The following PCDHGA1 variants were observed in gnomAD, a reference collection of about 807,000 sequenced individuals.
PCDHGA1 encodes the protein protocadherin gamma subfamily A, 1, also known as protocadherin gamma-A1.
In PCDHGA1, 32 loss-of-function variants were observed where a neutral mutation model predicts 58.0. That is an observed-to-expected ratio of 0.55 (90% CI 0.42 to 0.74). The LOEUF (loss-of-function observed/expected upper bound fraction) is 0.74, where lower values mean the gene tolerates loss of function less well. PCDHGA1 is among the 30% of genes least tolerant of loss of function. The pLI is 0.00. For missense variants in PCDHGA1, 1,205 were observed against 1,182.3 expected (o/e 1.02, Z -0.28); for synonymous variants, 498 against 501.1 (o/e 0.99, Z 0.08).
intron 1 of PCDHGA1, chr5:141,356,524 G>A: frequency 6.2e-7 from 1 of 1,614,098 alleles, no homozygotes; most frequent in South Asian, 1.1e-5. Flanking sequence ...TTCACTGCAA[G>A]TGATGGACAT....
intron 1 of PCDHGA1, chr5:141,371,611 C>A (rs561217101): frequency 8.1e-6 from 13 of 1,613,878 alleles, no homozygotes; most frequent in Non-Finnish European, 1.1e-5. Flanking sequence ...AGGTTGGTGA[C>A]AGATGGAGCC....
intron 1 of PCDHGA1, 48 bp from the exon 2 acceptor site, chr5:141,494,759 C>CT: frequency 6.2e-7 from 1 of 1,613,886 alleles, no homozygotes; most frequent in Non-Finnish European, 8.5e-7. Flanking sequence ...GGGTGACATT[C>CT]TAACTTCTCA....
intron 1 of PCDHGA1, chr5:141,340,358 G>T: frequency 1.9e-6 from 3 of 1,614,024 alleles, no homozygotes; most frequent in African/African-American, 1.3e-5. Flanking sequence ...CTACATTCCC[G>T]AAAACAACCC....
At chr5:141,378,585 G>A (rs758641960) in intron 1 of PCDHGA1, 1 of 152,188 alleles carries the variant, frequency 6.6e-6, no homozygotes, top group South Asian at 2.1e-4. Flanking sequence ...ATGCTCGGTA[G>A]TGTCTGCTTA....
intron 1 of PCDHGA1, among the ~76,000 whole-genome samples, chr5:141,488,493 C>T (rs1594759823): frequency 6.6e-6 from 1 of 152,226 alleles, no homozygotes; most frequent in East Asian, 1.9e-4. Context: ...AAAACTGTAA[C>T]ACTCATTCCA....
At position 141,487,621 on chromosome 5, in the gene PCDHGA1, A is replaced by G; in HGVS notation, c.2422-7186A>G. The G allele has an allele frequency of 6.2e-7, 1 of 1,614,164 alleles. No individual in the cohort carries two copies. On this transcript the variant is annotated intron_variant, in intron 1 of 3. Transcript: ENST00000517417. This position sits in a 1 kb window ranked among gnomAD's most constrained non-coding sequence, Gnocchi z 5.0. ...ATCTTCTCTATGGGCTAGAGGTGAG[A>G]CCTTTGCAGGCTCAACAAATGCTTG... is the stretch of plus-strand genomic sequence containing the variant.
Position 141,468,837 on chromosome 5 carries a change from G to A in PCDHGA1, c.2422-25970G>A, listed in dbSNP as rs550455857. ...GCCAAGATCAAGCCACTGCACTCCA[G>A]CCTGGGCAACAGAGCGAGACTCCAT... On this transcript the variant is annotated intron_variant, in intron 1 of 3. Transcript: ENST00000517417. 3.3e-5 allele frequency among the ~76,000 whole-genome samples: 5 copies of A among 152,228 alleles called. No homozygotes were observed. The East Asian group carries it at 9.7e-4, about 29-fold the overall frequency.
At position 141,331,350 on chromosome 5, in the gene PCDHGA1, T is replaced by C. The variant is rs1255809790; in HGVS notation, c.666T>C (p.Arg222=). The C allele has an allele frequency of 4.3e-6, 7 of 1,614,170 alleles. No homozygotes were observed. Among genetic ancestry groups the C allele is most frequent in the Middle Eastern group, 1.6e-4 (1 of 6,062 alleles). The change falls in exon 1 of 4, where the codon CGT becomes CGC. Residue 222 remains arginine, a synonymous_variant. Coordinates refer to ENST00000517417, the MANE Select transcript of PCDHGA1 (RefSeq NM_018912.3). ...CTTCTGATGGGGGTGAACCAGTCCG[T>C]TCAGGGACCCTCAGAATTTACATTC... ...LTASDGGEPV[R]SGTLRIYIQV...
intron 1 of PCDHGA1, chr5:141,421,488 G>C: frequency 3.1e-6 from 5 of 1,614,100 alleles, no homozygotes; most frequent in Non-Finnish European, 4.2e-6. Flanking sequence ...GCTTGATCAC[G>C]GCAGGCAGGA....
In PCDHGA1 at chr5:141,431,814, T is replaced by C. The variant is rs1300319049; in HGVS notation, c.2422-62993T>C. 1 of 1,614,246 alleles carries C rather than the reference T, an allele frequency of 6.2e-7. No homozygotes were observed. Among genetic ancestry groups the C allele is most frequent in the Non-Finnish European group, 8.5e-7 (1 of 1,180,044 alleles). ...GCCCCAGAAGTGGTCCTCACCTCTC[T>C]CGCCAGCTCGGTTCCCGAAAACTCT... On this transcript the variant is annotated intron_variant, in intron 1 of 3. Coordinates refer to ENST00000517417, the MANE Select transcript of PCDHGA1 (RefSeq NM_018912.3). The surrounding 1 kb of genome is among the most constrained non-coding windows in gnomAD (Gnocchi z 4.8).
chr5:141,449,804 T>C (rs991937787), intron 1 of PCDHGA1, among the ~76,000 whole-genome samples: 2 of 151,676 alleles, frequency 1.3e-5, no homozygotes, highest in Non-Finnish European at 2.9e-5. Flanking sequence ...AAATACCTCA[T>C]TGTGTATTTC....
chr5:141,335,015 T>G (rs1214172545), intron 1 of PCDHGA1, among the ~76,000 whole-genome samples: 2 of 152,244 alleles, frequency 1.3e-5, no homozygotes, highest in Admixed American at 1.3e-4. Flanking sequence ...AGTGAGAAAC[T>G]TTCTGTCAAC....
At chr5:141,387,479 A>C (rs2090961106) in intron 1 of PCDHGA1, among the ~76,000 whole-genome samples, 1 of 152,258 alleles carries the variant, frequency 6.6e-6, no homozygotes, top group Non-Finnish European at 1.5e-5. Context: ...AGTTGGGATG[A>C]AGGCATTCCT....
chr5:141,413,265 T>C, intron 1 of PCDHGA1: 1 of 1,613,958 alleles, frequency 6.2e-7, no homozygotes, highest in Non-Finnish European at 8.5e-7. Context: ...CATGGGAGGC[T>C]GGAGCCCGGC....
chr5:141,486,843 A>G lies in PCDHGA1; in HGVS notation c.2422-7964A>G, dbSNP rs1455684942. On this transcript the variant is annotated intron_variant, in intron 1 of 3. Coordinates refer to ENST00000517417, the MANE Select transcript of PCDHGA1 (RefSeq NM_018912.3). The surrounding 1 kb of genome is among the most constrained non-coding windows in gnomAD (Gnocchi z 5.0). ...GTAACAGTTCGTCTATTTGTGCTGG[A>G]CCTCAATGACAATGCTCCAGCTGTG... 6.2e-7 allele frequency: 1 copy of G among 1,614,214 alleles called. No homozygotes were observed. Among genetic ancestry groups the G allele is most frequent in the Admixed American group, 1.7e-5 (1 of 60,034 alleles).
chr5:141,361,369 C>G (rs768974376), intron 1 of PCDHGA1: 3 of 1,613,948 alleles, frequency 1.9e-6, no homozygotes, highest in African/African-American at 1.3e-5. Context: ...CGCTCTGGAC[C>G]GGGAGGAGAT....
chr5:141,371,161 C>T, intron 1 of PCDHGA1: 1 of 1,614,006 alleles, frequency 6.2e-7, no homozygotes, highest in South Asian at 1.1e-5. Context: ...GAGAACCTGC[C>T]CGCTGGCTCC....
intron 1 of PCDHGA1, chr5:141,475,927 G>A: frequency 1.6e-6 from 1 of 628,480 alleles, no homozygotes; most frequent in South Asian, 2.1e-5. Flanking sequence ...CTGGAGATCG[G>A]GCCCCTGCCC....
At chr5:141,483,293 G>T (rs532959899) in intron 1 of PCDHGA1, among the ~76,000 whole-genome samples, 1 of 152,264 alleles carries the variant, frequency 6.6e-6, no homozygotes, top group Non-Finnish European at 1.5e-5. Flanking sequence ...TCAGTCATAA[G>T]TGAAGGGACT....
Sources: allele counts gnomAD v4.1 joint callset (sites outside exome capture counted in the v4.1 genomes callset), GRCh38; gene constraint gnomAD v4.1.1; non-coding constraint Gnocchi (gnomAD v3.1); transcripts MANE v1.5; gene names NCBI Gene and HGNC (gene_info 2026-07-23, HGNC 2026-07-21).